Variants in ABCC9 observed in about 807,000 individuals in gnomAD.
ABCC9 encodes ATP-binding cassette sub-family C member 9.
In ABCC9, 95 loss-of-function variants were observed where a neutral mutation model predicts 188.3. The ratio of observed to expected loss-of-function variants is 0.50; its 90% CI spans 0.43 to 0.60. ABCC9 has a LOEUF of 0.60. Ranked by LOEUF, ABCC9 falls within the 20% of genes least tolerant of loss-of-function variation. The pLI is 0.00. For synonymous variants in ABCC9, 659 were observed against 652.7 expected, an observed-to-expected ratio of 1.01 and a Z score of -0.15; for missense variants, 1,102 against 1,876.3, an observed-to-expected ratio of 0.59 and a Z score of 7.62.
At chr12:21,850,146 G>C (rs1417787842) in intron 24 of ABCC9, among the ~76,000 whole-genome samples, 1 of 150,514 alleles carries the variant, frequency 6.6e-6, no homozygotes, top group Non-Finnish European at 1.5e-5. Flanking sequence ...GCAGAATGTT[G>C]AGCACACTAG....
intron 18 of ABCC9, among the ~76,000 whole-genome samples, chr12:21,865,439 T>A (rs1945730477): frequency 6.6e-6 from 1 of 152,142 alleles, no homozygotes; most frequent in South Asian, 2.1e-4. Flanking sequence ...AAGTTACTGA[T>A]AAAAAATAGG....
intron 14 of ABCC9, among the ~76,000 whole-genome samples, chr12:21,893,512 C>T (rs1947269602): frequency 1.3e-5 from 2 of 152,144 alleles, no homozygotes; most frequent in Admixed American, 1.3e-4. Context: ...CCTACCACCA[C>T]TTCAGTGGAA....
chr12:21,877,652 C>T (rs529436925), intron 16 of ABCC9, among the ~76,000 whole-genome samples: 11 of 152,034 alleles, frequency 7.2e-5, no homozygotes, highest in Non-Finnish European at 1.6e-4. Context: ...TACATGACAC[C>T]GTTGATGTTC....
At chr12:21,936,068 A>G (rs1213620486) in intron 3 of ABCC9, among the ~76,000 whole-genome samples, 1 of 151,778 alleles carries the variant, frequency 6.6e-6, no homozygotes, top group East Asian at 1.9e-4. Context: ...CTTCCCCACC[A>G]CCTCCAAAGA....
chr12:21,825,024 A>G (rs1023529800), intron 31 of ABCC9, among the ~76,000 whole-genome samples: 6 of 152,052 alleles, frequency 3.9e-5, no homozygotes, highest in African/African-American at 1.4e-4. Flanking sequence ...TCATGTCTCT[A>G]TCTCAACATA....
chr12:21,929,974 C>A (rs1238802760), intron 4 of ABCC9, among the ~76,000 whole-genome samples: 1 of 97,514 alleles, frequency 1.0e-5, no homozygotes, highest in Non-Finnish European at 1.9e-5. Flanking sequence ...CTAATGCTAT[C>A]CCTCCCCCCT....
At chr12:21,913,103 CA>C in intron 7 of ABCC9, 37 bp from the exon 8 acceptor site, 2 of 1,549,830 alleles carry the variant, frequency 1.3e-6, no homozygotes, top group Non-Finnish European at 1.8e-6. Flanking sequence ...ACAGATGTAA[CA>C]AAATAAAACT....
Position 21,819,688 on chromosome 12 carries a change from C to CT in ABCC9, c.3670-1438dup, listed in dbSNP as rs149090694. On this transcript the variant is annotated intron_variant, in intron 31 of 39. Coordinates refer to ENST00000261200, the MANE Select transcript of ABCC9 (RefSeq NM_020297.4). Reference sequence around the variant, plus strand: ...TCTCCATCTCCACATACCAGAATGTCTTTTTTTTTCCCTTTGGATAATTTT... The same window carrying CT: ...TCTCCATCTCCACATACCAGAATGTCTTTTTTTTTTCCCTTTGGATAATTTT... Among the ~76,000 whole-genome samples, 418 of 151,568 alleles carry CT rather than the reference C, an allele frequency of 2.8e-3. 9 individuals carry two copies. The East Asian group carries it at 0.065, about 24-fold the overall frequency.
chr12:21,842,607 C>G, intron 28 of ABCC9, 136 bp from the exon 29 acceptor site: 2 of 835,978 alleles, frequency 2.4e-6, no homozygotes, highest in Non-Finnish European at 4.0e-6. Context: ...TCATCCTAAG[C>G]AATTCTTCAC....
chr12:21,846,013 A>G lies in ABCC9; in HGVS notation c.2867-181T>C, dbSNP rs1177774387. 2.0e-5 allele frequency among the ~76,000 whole-genome samples: 3 copies of G among 152,216 alleles called. No homozygotes were observed. In the East Asian group the frequency reaches 5.8e-4, roughly 29 times the overall value. Reference sequence around the variant, plus strand: ...CTTTCTGAAAATAGGTGAAAAATGAATGAATGAATGAGTGATAAAACAAAT... The same window carrying G: ...CTTTCTGAAAATAGGTGAAAAATGAGTGAATGAATGAGTGATAAAACAAAT... On this transcript the variant is annotated intron_variant, in intron 25 of 39. Transcript: ENST00000261200.
At chr12:21,880,454 A>C (rs1946566905) in intron 16 of ABCC9, among the ~76,000 whole-genome samples, 1 of 152,174 alleles carries the variant, frequency 6.6e-6, no homozygotes, top group Non-Finnish European at 1.5e-5. Flanking sequence ...TGGAAAGCCA[A>C]GTTACACAGA....
intron 3 of ABCC9, among the ~76,000 whole-genome samples, chr12:21,934,656 T>G (rs986662106): frequency 1.3e-5 from 2 of 152,098 alleles, no homozygotes; most frequent in African/African-American, 4.8e-5. Context: ...TACTAGGTCA[T>G]GTAGAGTAAT....
At position 21,800,185 on chromosome 12, in the gene ABCC9, A is replaced by C. The variant is rs1053841168; in HGVS notation, c.*859T>G. 18 of 152,186 alleles carry C rather than the reference A, an allele frequency of 1.2e-4. No homozygotes were observed. Among genetic ancestry groups the C allele is most frequent in the Non-Finnish European group, 2.2e-4 (15 of 68,028 alleles). 9.4% of individuals were successfully genotyped at this position (152,186 alleles called of 1,614,324 possible). On this transcript the variant is annotated 3_prime_UTR_variant, in exon 40 of 40. Transcript: ENST00000261200. ...TCACCTGCCATTATTAGCAGTGCCA[A>C]ATGAAGTCACTTGCCTGTGTAAATC... is the stretch of plus-strand genomic sequence containing the variant.
chr12:21,860,910 G>GACAA lies in ABCC9; in HGVS notation c.2424+57_2424+60dup, dbSNP rs1355988484. On this transcript the variant is annotated intron_variant, in intron 21 of 39. Transcript: ENST00000261200. Reference sequence around the variant, plus strand: ...TCATGATTCTCTATTAAAGATTAAAGACAACCAGAAGACTTTTCTAGATTT... The same window carrying GACAA: ...TCATGATTCTCTATTAAAGATTAAAGACAAACAACCAGAAGACTTTTCTAGATTT... The GACAA allele has an allele frequency of 5.4e-6, 7 of 1,291,672 alleles. No individual in the cohort carries two copies. In the East Asian group the frequency reaches 1.4e-4, roughly 26 times the overall value. The allele number at this position is 1,291,672 out of a possible 1,614,324, so 80.0% of individuals were successfully genotyped here. A position where few individuals can be genotyped will look rare whatever the true frequency, so the allele number is the denominator to read the frequency against.
At chr12:21,833,902 CT>C (rs1043238265) in intron 30 of ABCC9, among the ~76,000 whole-genome samples, 4 of 152,114 alleles carry the variant, frequency 2.6e-5, no homozygotes, top group African/African-American at 9.7e-5. Flanking sequence ...GTTCATTATC[CT>C]CTTAAAAATG....
At chr12:21,902,321 A>G (rs1431300113) in intron 12 of ABCC9, among the ~76,000 whole-genome samples, 2 of 152,226 alleles carry the variant, frequency 1.3e-5, no homozygotes, top group Non-Finnish European at 2.9e-5. Flanking sequence ...AATTTATAGC[A>G]CTAAATGCCC....
At chr12:21,851,292 C>A (rs1944952433) in intron 24 of ABCC9, among the ~76,000 whole-genome samples, 1 of 152,124 alleles carries the variant, frequency 6.6e-6, no homozygotes, top group Non-Finnish European at 1.5e-5. Context: ...TGTACTCAAT[C>A]TGGTATCCAA....
intron 9 of ABCC9, 91 bp from the exon 10 acceptor site, chr12:21,910,403 A>AT: frequency 2.3e-6 from 3 of 1,330,078 alleles, no homozygotes; most frequent in Non-Finnish European, 3.1e-6. Context: ...CAAACATTTA[A>AT]TTTTTTTGAG....
In ABCC9 at chr12:21,881,344, AAG is replaced by A. The variant is rs2137643917; in HGVS notation, c.2019+1420_2019+1421del. Among the ~76,000 whole-genome samples, 2 of 152,314 alleles carry A rather than the reference AAG, an allele frequency of 1.3e-5. 1 individual carries two copies. Among genetic ancestry groups the A allele is most frequent in the South Asian group, 4.1e-4 (2 of 4,824 alleles). ...AAATAAAAAATTAATTTGGGCTTGAAAGTGAGCCTGAAACTGCGGAGGCCATT... is the reference window on the plus strand; with the variant it reads ...AAATAAAAAATTAATTTGGGCTTGAATGAGCCTGAAACTGCGGAGGCCATT... On this transcript the variant is annotated intron_variant, in intron 16 of 39. Transcript: ENST00000261200.
Sources: allele counts gnomAD v4.1 joint callset (sites outside exome capture counted in the v4.1 genomes callset), GRCh38; gene constraint gnomAD v4.1.1; transcripts MANE v1.5; gene names NCBI Gene and HGNC (gene_info 2026-07-23, HGNC 2026-07-21).